The following SLC44A5 variants were observed in gnomAD, a reference collection of about 807,000 sequenced individuals.
SLC44A5 encodes the protein choline transporter-like protein 5.
A neutral mutation model predicts 101.8 loss-of-function variants in SLC44A5; 57 were observed. That is an observed-to-expected ratio of 0.56 (90% CI 0.45 to 0.70). The LOEUF is 0.70. Ranked by LOEUF, SLC44A5 falls within the 30% of genes least tolerant of loss-of-function variation. SLC44A5 has a pLI of 0.00. For missense variants in SLC44A5, 737 were observed against 853.1 expected (o/e 0.86, Z 1.70); for synonymous variants, 281 against 290.9 (o/e 0.97, Z 0.35).
At chr1:75,719,560 G>A in the SLC44A5 span, among the ~76,000 whole-genome samples, 1 of 152,026 alleles carries the variant, frequency 6.6e-6, no homozygotes, top group Non-Finnish European at 1.5e-5. Context: ...TTATTTCCTG[G>A]CTACAAGAAG....
In SLC44A5 at chr1:75,273,860, G is replaced by A. The variant is rs139251518; in HGVS notation, c.260+1098C>T. On this transcript the variant is annotated intron_variant, in intron 6 of 23. Transcript: ENST00000370859. ...TTTCATTTTTGTTATGTTCTTTCCT[G>A]GTTTTAATATTAGGGTGATACGGGC... 1.9e-3 allele frequency among the ~76,000 whole-genome samples: 284 copies of A among 152,058 alleles called. 1 individual carries two copies. The highest frequency in any genetic ancestry group is 6.6e-3 in the African/African-American group (274 of 41,494).
chr1:75,581,335 T>C (rs1414312020), intron 1 of SLC44A5, among the ~76,000 whole-genome samples: 1 of 152,190 alleles, frequency 6.6e-6, no homozygotes, highest in Non-Finnish European at 1.5e-5. Flanking sequence ...TTAAAATTGT[T>C]CCTTGTGAGT....
At chr1:75,477,749 A>G (rs185425472) in intron 2 of SLC44A5, among the ~76,000 whole-genome samples, 1 of 152,318 alleles carries the variant, frequency 6.6e-6, no homozygotes, top group African/African-American at 2.4e-5. Flanking sequence ...ATATGGGACT[A>G]TGTGAAAAGA....
chr1:75,495,838 T>G (rs1445215562), intron 2 of SLC44A5, among the ~76,000 whole-genome samples: 1 of 152,184 alleles, frequency 6.6e-6, no homozygotes, highest in Non-Finnish European at 1.5e-5. Flanking sequence ...AGGATGTGTA[T>G]ATACTTAAGG....
At chr1:75,317,707 T>C (rs1655802870) in intron 4 of SLC44A5, among the ~76,000 whole-genome samples, 1 of 152,116 alleles carries the variant, frequency 6.6e-6, no homozygotes, top group South Asian at 2.1e-4. Context: ...TGTGCCTGCA[T>C]GGTCAGGTTC....
chr1:75,516,795 G>C (rs1343301548), intron 2 of SLC44A5, among the ~76,000 whole-genome samples: 4 of 152,092 alleles, frequency 2.6e-5, no homozygotes, highest in Non-Finnish European at 4.4e-5. Flanking sequence ...GCTGGGGTAA[G>C]AACTTTTAAA....
At chr1:75,402,533 G>A (rs142337521) in intron 2 of SLC44A5, 349 of 227,916 alleles carry the variant, frequency 1.5e-3, no homozygotes, top group African/African-American at 7.2e-3. Context: ...GTAGCCCACA[G>A]AGGATGAGCT....
At chr1:75,507,750 G>T (rs1669349439) in intron 2 of SLC44A5, among the ~76,000 whole-genome samples, 1 of 152,014 alleles carries the variant, frequency 6.6e-6, no homozygotes, top group African/African-American at 2.4e-5. Flanking sequence ...TTTGTTCAAG[G>T]TATCACATTT....
chr1:75,522,402 T>C (rs762343884), intron 2 of SLC44A5, among the ~76,000 whole-genome samples: 1 of 152,036 alleles, frequency 6.6e-6, no homozygotes, highest in Non-Finnish European at 1.5e-5. Context: ...GAAATCCCTG[T>C]ATTTGGGATC....
At chr1:75,412,606 C>T (rs1663353237) in intron 2 of SLC44A5, among the ~76,000 whole-genome samples, 1 of 152,194 alleles carries the variant, frequency 6.6e-6, no homozygotes, top group South Asian at 2.1e-4. Context: ...ATGCATACAA[C>T]AGTCCTCTCT....
rs1330463850 is a variant in SLC44A5 at position 75,503,318 on chromosome 1, T to C, written c.13+38117A>G. Among the ~76,000 whole-genome samples the C allele has an allele frequency of 3.3e-5, 5 of 152,158 alleles. No individual in the cohort carries two copies. The East Asian group carries it at 9.7e-4, about 29-fold the overall frequency. Reference sequence around the variant, plus strand: ...GTTTGGCTCTGTGTCCCCAACCATATGTTACGGTGGGAGGTGACTGGATCA... The same window carrying C: ...GTTTGGCTCTGTGTCCCCAACCATACGTTACGGTGGGAGGTGACTGGATCA... On this transcript the variant is annotated intron_variant, in intron 2 of 23. Coordinates refer to ENST00000370859, the MANE Select transcript of SLC44A5 (RefSeq NM_001130058.2).
chr1:75,413,543 A>C (rs1158358364), intron 2 of SLC44A5, among the ~76,000 whole-genome samples: 1 of 152,194 alleles, frequency 6.6e-6, no homozygotes, highest in Non-Finnish European at 1.5e-5. Context: ...TCATATATTT[A>C]TTTATGACTG....
intron 5 of SLC44A5, among the ~76,000 whole-genome samples, chr1:75,300,256 A>G (rs1654345055): frequency 6.6e-6 from 1 of 152,088 alleles, no homozygotes; most frequent in Non-Finnish European, 1.5e-5. Context: ...ATTTAGTATT[A>G]CCTAAAAAGA....
At chr1:75,404,161 A>G (rs960094991) in intron 2 of SLC44A5, among the ~76,000 whole-genome samples, 1 of 152,088 alleles carries the variant, frequency 6.6e-6, no homozygotes, top group African/African-American at 2.4e-5. Context: ...AAAAGAATGA[A>G]GAGGAATGAA....
At chr1:75,703,271 C>T in the SLC44A5 span, among the ~76,000 whole-genome samples, 7 of 151,616 alleles carry the variant, frequency 4.6e-5, no homozygotes, top group South Asian at 2.1e-4. Flanking sequence ...AAATGTCCAA[C>T]GATGATAGAC....
rs563106736 is a variant in SLC44A5, at chr1:75,498,629, T to C, written c.13+42806A>G. The stretch of plus-strand genomic sequence containing the variant: ...CTATTTAATAATACAATGAAAGCTA[T>C]GCAGTCTTTCTCTTTCTCACTAAAG... On this transcript the variant is annotated intron_variant, in intron 2 of 23. Transcript: ENST00000370859. Among the ~76,000 whole-genome samples, 11 of 152,310 alleles carry C rather than the reference T, an allele frequency of 7.2e-5. No homozygotes were observed. The East Asian group carries it at 2.1e-3, about 29-fold the overall frequency.
intron 14 of SLC44A5, among the ~76,000 whole-genome samples, chr1:75,221,564 CCTGT>C (rs930926768): frequency 7.2e-5 from 11 of 152,176 alleles, no homozygotes; most frequent in African/African-American, 1.2e-4. Flanking sequence ...AATCAATTGT[CCTGT>C]CTATTAGAAA....
Position 75,219,341 on chromosome 1 carries a change from G to C in SLC44A5, c.1182C>G (p.Phe394Leu), listed in dbSNP as rs752187810. ...ATACAGGTACCCCCGATGTCGCCAA[G>C]AAACTGAATAAACTCCATTAAGGAT... ...CICYWVVTAVFLATSGVPVYK... is the reference protein window; with the variant it reads ...CICYWVVTAVLLATSGVPVYK... The change falls in exon 16 of 24, where the codon TTC becomes TTG. Residue 394 changes from phenylalanine (F) to leucine (L), a missense_variant. Phe to Leu is a conservative substitution (Grantham distance 22). Around this residue, in one of 3 missense-constraint regions of SLC44A5, gnomAD observed 665 missense variants for 764.4 expected, o/e 0.87. Transcript: ENST00000370859. 2 of 1,607,330 alleles carry C rather than the reference G, an allele frequency of 1.2e-6. No homozygotes were observed. The highest frequency in any genetic ancestry group is 1.7e-6 in the Non-Finnish European group (2 of 1,174,086).
chr1:75,374,159 A>G (rs1340024335), intron 3 of SLC44A5, among the ~76,000 whole-genome samples: 1 of 152,206 alleles, frequency 6.6e-6, no homozygotes, highest in Admixed American at 6.5e-5. Flanking sequence ...CGCAGGCATC[A>G]GAGGGAGACC....
Sources: gnomAD v4.1 joint callset for allele counts (sites outside exome capture counted in the v4.1 genomes callset) on GRCh38, gnomAD v4.1.1 for gene constraint, gnomAD v4.1.1 regional missense constraint, MANE v1.5 for transcripts, NCBI Gene and HGNC (gene_info 2026-07-23, HGNC 2026-07-21) for gene names.